LAMC1: variants seen among roughly 807,000 people sequenced by gnomAD.
LAMC1 encodes laminin subunit gamma 1, also known as laminin subunit gamma-1.
Under a neutral mutation model 173.6 loss-of-function variants are expected in LAMC1, and 38 were observed. That is an observed-to-expected ratio of 0.22 (90% CI 0.17 to 0.29). The LOEUF (loss-of-function observed/expected upper bound fraction) is 0.29, where lower values mean the gene tolerates loss of function less well. LAMC1 is among the 10% of genes least tolerant of loss of function. The pLI is 1.00. For missense variants in LAMC1, 1,824 were observed against 2,051.8 expected, an observed-to-expected ratio of 0.89 and a Z score of 2.14; for synonymous variants, 746 against 749.1, an observed-to-expected ratio of 1.00 and a Z score of 0.07.
chr1:183,143,491 T>C lies in LAMC1; in HGVS notation c.*701T>C, dbSNP rs1657173109. 6.6e-6 allele frequency: 1 copy of C among 152,558 alleles called. No individual in the cohort carries two copies. The highest frequency in any genetic ancestry group is 2.4e-5 in the African/African-American group (1 of 41,424). The allele number at this position is 152,558 out of a possible 1,614,324, so 9.5% of individuals were successfully genotyped here. On this transcript the variant is annotated 3_prime_UTR_variant, in exon 28 of 28. Coordinates refer to ENST00000258341, the MANE Select transcript of LAMC1 (RefSeq NM_002293.4). ...TTAATAATTGACTAGGAAGATGAAC[T>C]TTTTTTCAGATCTTTGGGCAGCTGA...
In LAMC1 at chr1:183,136,558, G is replaced by A. The variant is rs779247101; in HGVS notation, c.4287G>A (p.Ala1429=). ...ATEAKNKAHE[A]ERIASAVQKN... ...AGGCCAAGAACAAGGCCCATGAGGC[G>A]GAGAGGATCGCGAGCGCTGTCCAAA... Residue 1429 remains alanine (A), a synonymous_variant, in exon 25 of 28, where the codon GCG becomes GCA. Transcript: ENST00000258341. 40 of 1,612,034 alleles carry A rather than the reference G, an allele frequency of 2.5e-5. 1 individual carries two copies. The highest frequency in any genetic ancestry group is 1.6e-4 in the Middle Eastern group (1 of 6,082).
At chr1:183,118,542 G>T (rs1222170714) in intron 11 of LAMC1, among the ~76,000 whole-genome samples, 1 of 152,056 alleles carries the variant, frequency 6.6e-6, no homozygotes, top group Non-Finnish European at 1.5e-5. Context: ...GGCCAACATG[G>T]TGGAACCCCG....
chr1:183,117,944 C>A, intron 10 of LAMC1, 90 bp from the exon 11 acceptor site: 1 of 822,532 alleles, frequency 1.2e-6, no homozygotes, highest in Non-Finnish European at 2.0e-6. Flanking sequence ...TAGAGCATTG[C>A]ATTGTTGGGG....
chr1:183,044,620 C>T (rs1654218345), intron 1 of LAMC1, among the ~76,000 whole-genome samples: 1 of 152,044 alleles, frequency 6.6e-6, no homozygotes, highest in Non-Finnish European at 1.5e-5. Flanking sequence ...TTTGGAAGAG[C>T]TGTGTTCACT....
intron 14 of LAMC1, 61 bp from the exon 15 acceptor site, chr1:183,125,336 A>G: frequency 6.4e-7 from 1 of 1,568,500 alleles, no homozygotes; most frequent in Non-Finnish European, 8.8e-7. Context: ...TAGGTTGTTT[A>G]TATTTTAGTA....
intron 1 of LAMC1, among the ~76,000 whole-genome samples, chr1:183,024,816 G>T (rs1269472449): frequency 6.6e-6 from 1 of 152,198 alleles, no homozygotes. Flanking sequence ...TGGGTAAAAA[G>T]GCTCTCCTTT....
At chr1:183,039,339 T>G (rs909346978) in intron 1 of LAMC1, among the ~76,000 whole-genome samples, 3 of 152,302 alleles carry the variant, frequency 2.0e-5, no homozygotes, top group Non-Finnish European at 2.9e-5. Flanking sequence ...GATTGCCCCT[T>G]CTTGGGTAAA....
intron 17 of LAMC1, 26 bp from the exon 18 acceptor site, chr1:183,128,568 C>A: frequency 6.3e-7 from 1 of 1,592,262 alleles, no homozygotes; most frequent in Non-Finnish European, 8.6e-7. Flanking sequence ...TCCTACCTTT[C>A]CCTTTTCTTT....
intron 1 of LAMC1, among the ~76,000 whole-genome samples, chr1:183,077,806 A>G (rs564108564): frequency 2.2e-5 from 3 of 135,316 alleles, no homozygotes; most frequent in Admixed American, 1.5e-4. Context: ...ACAGTAGCAC[A>G]GTTTTTTTAT....
chr1:183,070,681 CTTTAA>C (rs1464899310), intron 1 of LAMC1, among the ~76,000 whole-genome samples: 3 of 151,992 alleles, frequency 2.0e-5, no homozygotes, highest in South Asian at 2.1e-4. Context: ...AGAAAATAAA[CTTTAA>C]TTTAGGGATT....
At chr1:183,030,607 T>C (rs772667818) in intron 1 of LAMC1, among the ~76,000 whole-genome samples, 1 of 152,172 alleles carries the variant, frequency 6.6e-6, no homozygotes, top group Non-Finnish European at 1.5e-5. Flanking sequence ...ATATTAAATG[T>C]AGTATGTGGT....
At position 183,122,155 on chromosome 1, in the gene LAMC1, G is replaced by A. The variant is rs748482319; in HGVS notation, c.2305G>A (p.Asp769Asn). Residue 769 changes from aspartate to asparagine, a missense_variant, in exon 13 of 28, where the codon GAT (aspartate) becomes AAT (asparagine). Coordinates refer to ENST00000258341, the MANE Select transcript of LAMC1 (RefSeq NM_002293.4). Reference sequence around the variant, plus strand: ...AGATTCAACTGCAGGCACCTCCTCCGATTGCCAACCCTGTCCGTGTCCTGG... The same window carrying A: ...AGATTCAACTGCAGGCACCTCCTCCAATTGCCAACCCTGTCCGTGTCCTGG... ...YGDSTAGTSS[D>N]CQPCPCPGGS... 1.2e-5 allele frequency: 20 copies of A among 1,614,024 alleles called. No individual in the cohort carries two copies. The highest frequency in any genetic ancestry group is 1.4e-5 in the Non-Finnish European group (16 of 1,180,034).
chr1:183,133,872 A>C (rs1212885128), intron 22 of LAMC1, among the ~76,000 whole-genome samples: 1 of 152,250 alleles, frequency 6.6e-6, no homozygotes, highest in Admixed American at 6.5e-5. Context: ...TGTAAACATT[A>C]AATAGCAAAG....
At chr1:183,140,369 C>T (rs1421477254) in intron 26 of LAMC1, 35 bp from the exon 27 acceptor site, 3 of 1,229,614 alleles carry the variant, frequency 2.4e-6, no homozygotes, top group African/African-American at 1.5e-5. Context: ...TGAAAACATA[C>T]AGTCAAGACT....
intron 11 of LAMC1, 29 bp downstream of exon 11, chr1:183,118,175 G>A (rs879191259): frequency 5.5e-6 from 7 of 1,276,264 alleles, no homozygotes; most frequent in African/African-American, 1.5e-5. Flanking sequence ...TAGGAGAGTT[G>A]TTTAAAAAGA....
intron 2 of LAMC1, among the ~76,000 whole-genome samples, chr1:183,104,584 C>T (rs981141338): frequency 6.6e-6 from 1 of 152,168 alleles, no homozygotes; most frequent in Non-Finnish European, 1.5e-5. Context: ...ATTGTGATTT[C>T]TAAATAGGAA....
rs1259588828 is a variant in LAMC1, at chr1:183,024,080, A to G, written c.364A>G (p.Thr122Ala). 1.2e-6 allele frequency: 2 copies of G among 1,610,666 alleles called. No individual in the cohort carries two copies. Among genetic ancestry groups the G allele is most frequent in the African/African-American group, 1.3e-5 (1 of 74,876 alleles). Residue 122 changes from threonine to alanine, a missense_variant, in exon 1 of 28, where the codon ACC becomes GCC. Thr to Ala is a moderately conservative substitution (Grantham distance 58). Coordinates refer to ENST00000258341, the MANE Select transcript of LAMC1 (RefSeq NM_002293.4). ...CGACACCACCTGGTGGCAAAGCCAG[A>G]CCATGCTGGCCGGGGTGCAGTACCC... is the stretch of plus-strand genomic sequence containing the variant. ...QADTTWWQSQ[T>A]MLAGVQYPSS...
intron 1 of LAMC1, among the ~76,000 whole-genome samples, chr1:183,057,757 C>CT (rs927803030): frequency 2.2e-4 from 33 of 149,448 alleles, no homozygotes; most frequent in East Asian, 7.9e-4. Flanking sequence ...CTCTGTCATA[C>CT]TTTTTTTTTT....
rs562366142 is a variant in LAMC1 at position 183,145,592 on chromosome 1, A to G, written c.*2802A>G. 21 of 152,514 alleles carry G rather than the reference A, an allele frequency of 1.4e-4. No homozygotes were observed. Among genetic ancestry groups the G allele is most frequent in the African/African-American group, 4.8e-4 (20 of 41,494 alleles). 9.4% of individuals were successfully genotyped at this position (152,514 alleles called of 1,614,324 possible). A position where few individuals can be genotyped will look rare whatever the true frequency, so the allele number is the denominator to read the frequency against. On this transcript the variant is annotated 3_prime_UTR_variant, in exon 28 of 28. Transcript: ENST00000258341. ...AAAATCTGAATATTTGTAACCCTTT[A>G]TATTTGGTGTGGCCTGAGTGTGGTA...
Sources: allele counts gnomAD v4.1 joint callset (sites outside exome capture counted in the v4.1 genomes callset), GRCh38; gene constraint gnomAD v4.1.1; transcripts MANE v1.5; gene names NCBI Gene and HGNC (gene_info 2026-07-23, HGNC 2026-07-21).